DIXDC1: variants seen among roughly 807,000 people sequenced by gnomAD.
DIXDC1 encodes DIX domain containing 1, also known as dixin.
Under a neutral mutation model 103.1 loss-of-function variants are expected in DIXDC1, and 64 were observed. The ratio of observed to expected loss-of-function variants is 0.62; its 90% CI spans 0.51 to 0.76. DIXDC1 has a LOEUF of 0.76. Ranked by LOEUF, DIXDC1 falls within the 30% of genes least tolerant of loss-of-function variation. DIXDC1 has a pLI of 0.00. For synonymous variants in DIXDC1, 266 were observed against 298.5 expected, an observed-to-expected ratio of 0.89 and a Z score of 1.12; for missense variants, 759 against 834.2, an observed-to-expected ratio of 0.91 and a Z score of 1.11.
At chr11:112,001,032 G>C (rs1195617581) in intron 17 of DIXDC1, among the ~76,000 whole-genome samples, 1 of 152,102 alleles carries the variant, frequency 6.6e-6, no homozygotes, top group Non-Finnish European at 1.5e-5. Context: ...TATTCGAAAG[G>C]TAGAAACACC....
At chr11:111,973,974 T>C (rs1156824875) in intron 3 of DIXDC1, 49 bp from the exon 4 acceptor site, 10 of 1,585,980 alleles carry the variant, frequency 6.3e-6, no homozygotes, top group Non-Finnish European at 8.6e-6. Context: ...TTTGCCTCCC[T>C]CTTAGGACCT....
At chr11:111,999,995 G>T (rs1235554335) in intron 17 of DIXDC1, among the ~76,000 whole-genome samples, 1 of 152,136 alleles carries the variant, frequency 6.6e-6, no homozygotes. Flanking sequence ...AATTAGCTGG[G>T]GGTGGTGGCA....
intron 1 of DIXDC1, among the ~76,000 whole-genome samples, chr11:111,961,545 A>G (rs1859577421): frequency 6.6e-6 from 1 of 152,230 alleles, no homozygotes; most frequent in Admixed American, 6.5e-5. Flanking sequence ...CTGAAAAGTG[A>G]CTATTACTGT....
intron 17 of DIXDC1, among the ~76,000 whole-genome samples, chr11:112,008,862 C>A (rs1169054226): frequency 6.6e-6 from 1 of 152,132 alleles, no homozygotes; most frequent in African/African-American, 2.4e-5. Flanking sequence ...CAGGAAAGAT[C>A]TAAAATCGAC....
rs1015996504 is a variant in DIXDC1 at position 111,977,258 on chromosome 11, C to T, written c.656+2275C>T. ...CTGGCTTGGGTCGGAGCCCGGCTGC[C>T]TCGCCGCGTGTGACAGCCCAGGGAG... On this transcript the variant is annotated intron_variant, in intron 5 of 19. Transcript: ENST00000440460. The surrounding 1 kb of genome is among the most constrained non-coding windows in gnomAD (Gnocchi z 6.1). The T allele has an allele frequency of 3.0e-6, 3 of 1,003,402 alleles. No homozygotes were observed. Among genetic ancestry groups the T allele is most frequent in the Admixed American group, 6.1e-5 (1 of 16,450 alleles). The allele number at this position is 1,003,402 out of a possible 1,614,324, so 62.2% of individuals were successfully genotyped here.
At chr11:111,930,081 T>G (rs1199733572) in intron 2 of DIXDC1, among the ~76,000 whole-genome samples, 1 of 152,172 alleles carries the variant, frequency 6.6e-6, no homozygotes, top group Non-Finnish European at 1.5e-5. Context: ...ATAGCTCTCT[T>G]GGACCTCGAG....
In DIXDC1 at chr11:111,931,346, A is replaced by T. The variant is rs868927461; in HGVS notation, c.57+1436A>T. Among the ~76,000 whole-genome samples, 25 of 150,634 alleles carry T rather than the reference A, an allele frequency of 1.7e-4. No individual in the cohort carries two copies. The South Asian group carries it at 2.8e-3, about 17-fold the overall frequency. Reference sequence around the variant, plus strand: ...AGAGTGAGACACTGTCTCAAAAAAAATTTTTTTAAAGACTGATGTCAGGCC... The same window carrying T: ...AGAGTGAGACACTGTCTCAAAAAAATTTTTTTTAAAGACTGATGTCAGGCC... On this transcript the variant is annotated intron_variant, in intron 2 of 5. Transcript: ENST00000529225.
At chr11:111,975,052 AC>A in intron 5 of DIXDC1, 69 bp downstream of exon 5, 1 of 1,553,122 alleles carries the variant, frequency 6.4e-7, no homozygotes, top group East Asian at 2.4e-5. Context: ...TAACAATACA[AC>A]AAGCAAAAAG....
At chr11:111,939,201 C>T (rs1966332891) in intron 1 of DIXDC1, among the ~76,000 whole-genome samples, 7 of 152,212 alleles carry the variant, frequency 4.6e-5, no homozygotes. Flanking sequence ...CAGCACAGAG[C>T]TGGTCCTAAT....
chr11:111,946,450 C>T (rs1966600371), intron 1 of DIXDC1, among the ~76,000 whole-genome samples: 1 of 152,188 alleles, frequency 6.6e-6, no homozygotes, highest in Non-Finnish European at 1.5e-5. Flanking sequence ...TCTCGAACTC[C>T]TGACCTCAAG....
chr11:111,993,385 A>T (rs1193811404), intron 12 of DIXDC1, 111 bp from the exon 13 acceptor site: 3 of 1,103,394 alleles, frequency 2.7e-6, no homozygotes, highest in Non-Finnish European at 4.0e-6. Flanking sequence ...TGAGGAAAGG[A>T]CTTTTTTTCC....
chr11:111,996,630 C>T (rs1289548954), intron 17 of DIXDC1, among the ~76,000 whole-genome samples: 1 of 152,134 alleles, frequency 6.6e-6, no homozygotes, highest in Non-Finnish European at 1.5e-5. Context: ...GTGGGTGGAT[C>T]ACCTGAGGTC....
At chr11:112,016,880 G>A in intron 18 of DIXDC1, 84 bp downstream of exon 18, 4 of 1,202,322 alleles carry the variant, frequency 3.3e-6, no homozygotes, top group Non-Finnish European at 3.5e-6. Context: ...ATGAGCAGCT[G>A]AAAGGTGTTT....
intron 1 of DIXDC1, among the ~76,000 whole-genome samples, chr11:111,957,902 C>T (rs980430701): frequency 2.2e-4 from 33 of 152,228 alleles, no homozygotes; most frequent in African/African-American, 7.5e-4. Flanking sequence ...GCCATGATGC[C>T]GGCTGCAGTG....
intron 1 of DIXDC1, among the ~76,000 whole-genome samples, chr11:111,957,868 G>A (rs1345311501): frequency 1.3e-5 from 2 of 152,212 alleles, no homozygotes; most frequent in African/African-American, 2.4e-5. Context: ...TGATGGCAGC[G>A]GCAGTCCATC....
intron 3 of DIXDC1, among the ~76,000 whole-genome samples, chr11:111,971,886 A>C (rs1555172101): frequency 6.6e-6 from 1 of 152,154 alleles, no homozygotes; most frequent in Non-Finnish European, 1.5e-5. Context: ...AAACACCATT[A>C]TGTTCTTACT....
chr11:111,999,573 GAT>G (rs1555175768), intron 17 of DIXDC1, among the ~76,000 whole-genome samples: 1 of 152,098 alleles, frequency 6.6e-6, no homozygotes, highest in Non-Finnish European at 1.5e-5. Context: ...AAAGAAAAAA[GAT>G]AAAATTGGGC....
chr11:111,954,848 G>T (rs1025843101), intron 1 of DIXDC1, among the ~76,000 whole-genome samples: 1 of 152,090 alleles, frequency 6.6e-6, no homozygotes, highest in East Asian at 1.9e-4. Context: ...ACTCTGTGGT[G>T]TTGGGTTGGA....
intron 10 of DIXDC1, among the ~76,000 whole-genome samples, chr11:111,989,501 G>A (rs1555174284): frequency 6.6e-6 from 1 of 151,594 alleles, no homozygotes; most frequent in Non-Finnish European, 1.5e-5. Context: ...GCAGGCACCT[G>A]TAATCCCAGC....
Sources: allele counts gnomAD v4.1 joint callset (sites outside exome capture counted in the v4.1 genomes callset), GRCh38; gene constraint gnomAD v4.1.1; non-coding constraint Gnocchi (gnomAD v3.1); transcripts MANE v1.5; gene names NCBI Gene and HGNC (gene_info 2026-07-23, HGNC 2026-07-21).